The following DMD variants were observed in gnomAD, a reference collection of about 807,000 sequenced individuals.
The protein encoded by DMD is dystrophin.
DMD carries 63 observed loss-of-function variants against 330.1 expected under a neutral mutation model. That is an observed-to-expected ratio of 0.19 (90% CI 0.16 to 0.24). DMD has a LOEUF of 0.24. Ranked by LOEUF, DMD falls within the 10% of genes least tolerant of loss-of-function variation. DMD has a pLI of 1.00. For synonymous variants in DMD, 1,223 were observed against 959.8 expected (o/e 1.27, Z -5.07); for missense variants, 3,344 against 2,684.1 (o/e 1.25, Z -5.43).
rs373685944 is a variant in DMD at position 32,679,641 on chromosome X, T to C, written c.960+18229A>G. Among the ~76,000 whole-genome samples, 445 of 110,388 alleles carry C rather than the reference T, an allele frequency of 4.0e-3. 7 individuals carry two copies. Among genetic ancestry groups the C allele is most frequent in the African/African-American group, 0.014 (421 of 30,374 alleles). ...CAAAGATCTCTAAAGATGGGGGTGA[T>C]GAAAAAGAAAAGGAACTGCCTTTTA... is the stretch of plus-strand genomic sequence containing the variant. On this transcript the variant is annotated intron_variant, in intron 9 of 78. Coordinates refer to ENST00000357033, the MANE Select transcript of DMD (RefSeq NM_004006.3).
At chrX:32,099,118 G>T (rs1225464187) in intron 44 of DMD, among the ~76,000 whole-genome samples, 1 of 111,751 alleles carries the variant, frequency 8.9e-6, no homozygotes, top group Non-Finnish European at 1.9e-5. Context: ...CACCAACAGT[G>T]TAAAAGTGTT....
At chrX:32,130,654 C>A (rs959169438) in intron 44 of DMD, among the ~76,000 whole-genome samples, 1 of 111,826 alleles carries the variant, frequency 8.9e-6, no homozygotes, top group Non-Finnish European at 1.9e-5. Context: ...TCACACTTTT[C>A]CTCAAGTAGG....
intron 1 of DMD, among the ~76,000 whole-genome samples, chrX:33,262,809 G>A (rs1001515749): frequency 1.8e-5 from 2 of 110,265 alleles, no homozygotes; most frequent in African/African-American, 3.3e-5. Context: ...TTTAGAGACC[G>A]ATGAGTGAAA....
chrX:32,883,659 C>A (rs1408564566), intron 2 of DMD, among the ~76,000 whole-genome samples: 1 of 107,512 alleles, frequency 9.3e-6, no homozygotes, highest in Admixed American at 1.0e-4. Context: ...CCCGTCTCTA[C>A]TAAAAATACA....
intron 44 of DMD, among the ~76,000 whole-genome samples, chrX:32,084,069 A>C (rs2096413431): frequency 8.9e-6 from 1 of 111,876 alleles, no homozygotes; most frequent in Admixed American, 9.5e-5. Context: ...TATTTTGTCA[A>C]GATTTTTTTT....
chrX:32,595,984 C>A, intron 12 of DMD, 108 bp from the exon 13 acceptor site: 1 of 751,688 alleles, frequency 1.3e-6, no homozygotes, highest in South Asian at 2.3e-5. Flanking sequence ...CTCAGGTACT[C>A]CCATTTTTTA....
chrX:32,479,351 C>G (rs949873753), intron 21 of DMD, among the ~76,000 whole-genome samples: 1 of 110,981 alleles, frequency 9.0e-6, no homozygotes, highest in Admixed American at 9.6e-5. Context: ...GTGTCCACCA[C>G]GCAGTACTAG....
At chrX:32,403,634 T>C (rs978783979) in intron 30 of DMD, among the ~76,000 whole-genome samples, 3 of 111,870 alleles carry the variant, frequency 2.7e-5, no homozygotes, top group African/African-American at 9.7e-5. Flanking sequence ...ATTAAACATA[T>C]GAAACTAACA....
chrX:32,747,669 A>AT (rs1376556665), intron 7 of DMD, among the ~76,000 whole-genome samples: 2 of 109,802 alleles, frequency 1.8e-5, no homozygotes, highest in African/African-American at 6.7e-5. Context: ...TTTTTTAAGT[A>AT]TTTTTTGCTG....
intron 47 of DMD, among the ~76,000 whole-genome samples, chrX:31,886,387 C>A (rs900062667): frequency 1.6e-4 from 18 of 110,763 alleles, no homozygotes; most frequent in Non-Finnish European, 2.5e-4. Context: ...ATCAAACAAG[C>A]CAAAGAAAAA....
intron 60 of DMD, among the ~76,000 whole-genome samples, chrX:31,438,173 G>C (rs1186658089): frequency 1.8e-5 from 2 of 111,396 alleles, no homozygotes; most frequent in Non-Finnish European, 3.8e-5. Context: ...TGCAGCACTT[G>C]AACACTCCTC....
At chrX:32,645,444 C>T (rs1291389509) in intron 9 of DMD, among the ~76,000 whole-genome samples, 1 of 111,918 alleles carries the variant, frequency 8.9e-6, no homozygotes, top group Non-Finnish European at 1.9e-5. Context: ...TTTTTAAATG[C>T]TATAAATATT....
chrX:32,483,146 C>CATATATATATAT (rs201134649), intron 21 of DMD, among the ~76,000 whole-genome samples: 12 of 39,288 alleles, frequency 3.1e-4, no homozygotes, highest in African/African-American at 7.6e-4. Flanking sequence ...TTTTTCATTC[C>CATATATATATAT]ATATATATAT....
intron 55 of DMD, among the ~76,000 whole-genome samples, chrX:31,616,447 T>C (rs956840169): frequency 9.0e-6 from 1 of 111,244 alleles, no homozygotes; most frequent in African/African-American, 3.3e-5. Context: ...GAAATAAGAT[T>C]GGAAACGAGA....
chrX:31,200,025 G>A (rs763507986), intron 67 of DMD, among the ~76,000 whole-genome samples: 68 of 112,287 alleles, frequency 6.1e-4, no homozygotes, highest in Admixed American at 1.6e-3. Context: ...GGGCCAGGAC[G>A]TGGATTCCTA....
intron 1 of DMD, among the ~76,000 whole-genome samples, chrX:33,072,438 C>T (rs748830289): frequency 3.6e-5 from 4 of 111,922 alleles, no homozygotes; most frequent in Non-Finnish European, 7.5e-5. Flanking sequence ...AAACAAACAA[C>T]GACAAAAAAA....
intron 7 of DMD, among the ~76,000 whole-genome samples, chrX:32,786,926 T>G (rs1424581291): frequency 1.9e-5 from 2 of 107,583 alleles, no homozygotes; most frequent in Admixed American, 1.0e-4. Context: ...CAGCACTTAA[T>G]GTTTAATAAA....
At chrX:32,254,605 AG>A (rs1379145063) in intron 43 of DMD, among the ~76,000 whole-genome samples, 5 of 112,113 alleles carry the variant, frequency 4.5e-5, no homozygotes, top group Non-Finnish European at 3.8e-5. Context: ...TGATTTAATA[AG>A]TAAGTACACA....
intron 41 of DMD, among the ~76,000 whole-genome samples, chrX:32,318,537 C>T (rs73462052): frequency 0.023 from 2,499 of 110,481 alleles, 66 homozygotes; most frequent in African/African-American, 0.078. Flanking sequence ...TGGTTATGAC[C>T]GTGCATAGAA....
Sources: allele counts gnomAD v4.1 joint callset (sites outside exome capture counted in the v4.1 genomes callset), GRCh38; gene constraint gnomAD v4.1.1; transcripts MANE v1.5; gene names NCBI Gene and HGNC (gene_info 2026-07-23, HGNC 2026-07-21).